LRRC37A2: variants seen among roughly 807,000 people sequenced by gnomAD.
The protein encoded by LRRC37A2 is leucine rich repeat containing 37 member A2.
LRRC37A2 carries 9 observed loss-of-function variants against 68.8 expected under a neutral mutation model. The observed-to-expected ratio is 0.13, with a 90% CI of 0.08 to 0.23. The LOEUF is 0.23. Ranked by LOEUF, LRRC37A2 falls within the 10% of genes least tolerant of loss-of-function variation. LRRC37A2 has a pLI of 1.00. For synonymous variants in LRRC37A2, 63 were observed against 367.6 expected (o/e 0.17, Z 9.48); for missense variants, 168 against 950.4 (o/e 0.18, Z 10.82).
At chr17:46,789,290 G>T in the LRRC37A2 span, among the ~76,000 whole-genome samples, 1 of 152,154 alleles carries the variant, frequency 6.6e-6, no homozygotes, top group Non-Finnish European at 1.5e-5. Flanking sequence ...CTTATTCTAT[G>T]CTCTTCAGAA....
chr17:46,753,558 A>C, the LRRC37A2 span, among the ~76,000 whole-genome samples: 2 of 152,174 alleles, frequency 1.3e-5, no homozygotes, highest in Non-Finnish European at 2.9e-5. Flanking sequence ...CCTTGAAAAA[A>C]AGATAAATCT....
chr17:46,901,188 G>A, the LRRC37A2 span, among the ~76,000 whole-genome samples: 1 of 151,914 alleles, frequency 6.6e-6, no homozygotes, highest in African/African-American at 2.4e-5. Context: ...TTTAGATGGA[G>A]TCTCACTCTG....
At chr17:46,904,511 C>T in the LRRC37A2 span, among the ~76,000 whole-genome samples, 9 of 142,630 alleles carry the variant, frequency 6.3e-5, no homozygotes, top group African/African-American at 2.1e-4. Flanking sequence ...GGTGGCTGGA[C>T]GGATGATGGA....
the LRRC37A2 span, among the ~76,000 whole-genome samples, chr17:46,979,417 G>T: frequency 6.6e-6 from 1 of 152,202 alleles, no homozygotes; most frequent in Non-Finnish European, 1.5e-5. Flanking sequence ...GGGAGATCCG[G>T]CAGCCTCTGT....
chr17:46,542,291 T>TATGTCTTCTCCC (rs2055473563), intron 8 of LRRC37A2, among the ~76,000 whole-genome samples: 1 of 147,830 alleles, frequency 6.8e-6, no homozygotes. Context: ...GATTTTCTCC[T>TATGTCTTCTCCC]ATGTCTTCTC....
chr17:46,832,433 G>T, the LRRC37A2 span, among the ~76,000 whole-genome samples: 1 of 146,044 alleles, frequency 6.8e-6, no homozygotes, highest in Admixed American at 6.8e-5. Context: ...AGGGAGGTTG[G>T]GGGGAGAAAG....
chr17:46,771,216 C>G, the LRRC37A2 span, among the ~76,000 whole-genome samples: 1 of 152,200 alleles, frequency 6.6e-6, no homozygotes. Flanking sequence ...GAGCTGGTCC[C>G]GCCCGCGCCC....
the LRRC37A2 span, among the ~76,000 whole-genome samples, chr17:46,829,356 G>GA: frequency 1.3e-5 from 2 of 152,152 alleles, no homozygotes; most frequent in African/African-American, 2.4e-5. Flanking sequence ...TTTTAGTAGA[G>GA]AAAGGGTTTC....
At chr17:46,833,198 G>GT in the LRRC37A2 span, 1 of 393,334 alleles carries the variant, frequency 2.5e-6, no homozygotes, top group East Asian at 7.2e-5. Context: ...CACAGAGGAC[G>GT]TCAGCAAACC....
chr17:47,000,059 AAAATTAAAAT>A, the LRRC37A2 span, among the ~76,000 whole-genome samples: 9 of 40,570 alleles, frequency 2.2e-4, no homozygotes, highest in African/African-American at 5.0e-4. Flanking sequence ...AAAATAAAAT[AAAATTAAAAT>A]AAAATAAAAA....
the LRRC37A2 span, among the ~76,000 whole-genome samples, chr17:46,493,110 C>T: frequency 7.2e-6 from 1 of 139,624 alleles, no homozygotes; most frequent in Non-Finnish European, 1.5e-5. Context: ...TTATGTGCAT[C>T]TTTTGATTTG....
chr17:46,560,386 G>A (rs1310529643), downstream of LRRC37A2: 1 of 13,786 alleles, frequency 7.3e-5, no homozygotes, highest in Non-Finnish European at 1.5e-4. Flanking sequence ...ACCAAATCCC[G>A]TATCTACTGC....
chr17:46,958,651 G>A, the LRRC37A2 span, among the ~76,000 whole-genome samples: 3 of 152,200 alleles, frequency 2.0e-5, no homozygotes, highest in Non-Finnish European at 4.4e-5. Context: ...TCAGGGCATC[G>A]CCCTCCCACC....
chr17:46,939,875 G>A, the LRRC37A2 span: 441,347 of 990,458 alleles, frequency 0.45, 99,907 homozygotes, highest in Non-Finnish European at 0.46. Flanking sequence ...ATCTAATGTG[G>A]TGAATCACTG....
intron 6 of LRRC37A2, among the ~76,000 whole-genome samples, chr17:46,531,760 C>G (rs1385231116): frequency 1.3e-5 from 1 of 75,396 alleles, no homozygotes; most frequent in Non-Finnish European, 2.3e-5. Context: ...TCCCTTTCAT[C>G]TGTCTGACAT....
At chr17:47,033,315 T>C in the LRRC37A2 span, 6 of 699,070 alleles carry the variant, frequency 8.6e-6, no homozygotes, top group Non-Finnish European at 1.6e-5. Flanking sequence ...TGAAAAAGCA[T>C]TTACGTGATG....
At chr17:46,504,945 C>CATTGATTTAT in the LRRC37A2 span, among the ~76,000 whole-genome samples, 2 of 105,642 alleles carry the variant, frequency 1.9e-5, no homozygotes, top group Non-Finnish European at 3.6e-5. Flanking sequence ...TATTAATTAA[C>CATTGATTTAT]TAATTTTGAG....
chr17:46,733,441 A>G, the LRRC37A2 span, among the ~76,000 whole-genome samples: 2 of 152,064 alleles, frequency 1.3e-5, no homozygotes, highest in Non-Finnish European at 2.9e-5. Context: ...AACAAGTGTG[A>G]GAGTAGTTAA....
chr17:47,000,665 T>C, the LRRC37A2 span, among the ~76,000 whole-genome samples: 2 of 152,184 alleles, frequency 1.3e-5, no homozygotes, highest in Non-Finnish European at 2.9e-5. Context: ...CAGTAGGTCA[T>C]TTTCTCACTG....
Sources: gnomAD v4.1 joint callset for allele counts (sites outside exome capture counted in the v4.1 genomes callset) on GRCh38, gnomAD v4.1.1 for gene constraint, MANE v1.5 for transcripts, NCBI Gene and HGNC (gene_info 2026-07-23, HGNC 2026-07-21) for gene names.